BICC1: variants seen among roughly 807,000 people sequenced by gnomAD.
BICC1 encodes the protein BicC family RNA binding protein 1.
Under a neutral mutation model 111.0 loss-of-function variants are expected in BICC1, and 43 were observed. The ratio of observed to expected loss-of-function variants is 0.39; its 90% CI spans 0.30 to 0.50. The LOEUF is 0.50. BICC1 is among the 20% of genes least tolerant of loss of function. The pLI, the probability that BICC1 is intolerant of heterozygous loss-of-function variation, is 0.88. For missense variants in BICC1, 1,091 were observed against 1,203.2 expected, an observed-to-expected ratio of 0.91 and a Z score of 1.38; for synonymous variants, 467 against 434.4, an observed-to-expected ratio of 1.07 and a Z score of -0.93.
At position 58,799,791 on chromosome 10, in the gene BICC1, C is replaced by G. The variant is rs147224571; in HGVS notation, c.1726-403C>G. ...TTTGAAGTCAGGTAGTATGATGCCT[C>G]TAGCTTTATTCTTTTTGCTTAAGAT... On this transcript the variant is annotated intron_variant, in intron 12 of 20. Coordinates refer to ENST00000373886, the MANE Select transcript of BICC1 (RefSeq NM_001080512.3). Among the ~76,000 whole-genome samples, 12 of 152,152 alleles carry G rather than the reference C, an allele frequency of 7.9e-5. No individual in the cohort carries two copies. In the East Asian group the frequency reaches 2.3e-3, roughly 29 times the overall value.
At chr10:58,692,494 A>C (rs1338734508) in intron 2 of BICC1, among the ~76,000 whole-genome samples, 1 of 152,226 alleles carries the variant, frequency 6.6e-6, no homozygotes, top group Non-Finnish European at 1.5e-5. Context: ...TTTTGTCAAA[A>C]TATTTAGTCT....
chr10:58,603,037 T>G (rs929319713), intron 1 of BICC1, among the ~76,000 whole-genome samples: 1 of 152,154 alleles, frequency 6.6e-6, no homozygotes, highest in Admixed American at 6.5e-5. Context: ...CAAAAGGCAT[T>G]TAATAGATCA....
intron 3 of BICC1, among the ~76,000 whole-genome samples, chr10:58,760,293 T>G (rs895099745): frequency 2.0e-5 from 3 of 152,158 alleles, no homozygotes; most frequent in South Asian, 2.1e-4. Flanking sequence ...AATGACGTTT[T>G]CCACTATTTG....
intron 3 of BICC1, among the ~76,000 whole-genome samples, chr10:58,744,200 T>G (rs1452002116): frequency 6.6e-6 from 1 of 152,194 alleles, no homozygotes; most frequent in African/African-American, 2.4e-5. Context: ...GAAACAAGTA[T>G]TATTTCAATT....
intron 1 of BICC1, among the ~76,000 whole-genome samples, chr10:58,538,720 A>C (rs145452088): frequency 2.7e-4 from 41 of 151,930 alleles, no homozygotes; most frequent in African/African-American, 9.6e-4. Context: ...ACATACACGG[A>C]ACTCAAATCA....
chr10:58,676,948 A>G (rs1270075970), intron 2 of BICC1, among the ~76,000 whole-genome samples: 2 of 152,230 alleles, frequency 1.3e-5, no homozygotes, highest in African/African-American at 4.8e-5. Flanking sequence ...GCAGGCCTGC[A>G]GAAGAGGGGC....
At chr10:58,579,964 G>T (rs1844231239) in intron 1 of BICC1, among the ~76,000 whole-genome samples, 2 of 114,670 alleles carry the variant, frequency 1.7e-5, no homozygotes, top group Admixed American at 2.3e-4. Flanking sequence ...ATTACATTTT[G>T]CCCTAAATTT....
chr10:58,735,444 G>A (rs1014776252), intron 3 of BICC1, among the ~76,000 whole-genome samples: 3 of 152,114 alleles, frequency 2.0e-5, no homozygotes, highest in African/African-American at 7.2e-5. Context: ...CCTTATATAT[G>A]CATTTATAAC....
chr10:58,776,216 T>C (rs1490664062), intron 3 of BICC1, among the ~76,000 whole-genome samples: 1 of 152,226 alleles, frequency 6.6e-6, no homozygotes, highest in Non-Finnish European at 1.5e-5. Context: ...GGGACTTTCT[T>C]AGTCTAATGT....
chr10:58,641,952 CAT>C (rs1318946215), intron 2 of BICC1, among the ~76,000 whole-genome samples: 1 of 152,138 alleles, frequency 6.6e-6, no homozygotes, highest in Non-Finnish European at 1.5e-5. Context: ...TAAATGGCCA[CAT>C]GTTTTCAGAG....
intron 3 of BICC1, among the ~76,000 whole-genome samples, chr10:58,745,579 T>C (rs1841806468): frequency 6.8e-6 from 1 of 146,804 alleles, no homozygotes. Flanking sequence ...TCCTTGCCTT[T>C]CCAGCTCTAA....
intron 2 of BICC1, among the ~76,000 whole-genome samples, chr10:58,628,777 A>T (rs1201763297): frequency 1.3e-5 from 2 of 152,206 alleles, no homozygotes; most frequent in Non-Finnish European, 2.9e-5. Context: ...GGTCACTGAC[A>T]TGAAGAATCG....
Position 58,787,042 on chromosome 10 carries a change from A to G in BICC1, c.507A>G (p.Pro169=), listed in dbSNP as rs150206603. ...AAACCGGATGCCATATCCACTTTCCAGATTCCAACAGGAATAACCAAGCAG... is the reference window on the plus strand; with the variant it reads ...AAACCGGATGCCATATCCACTTTCCGGATTCCAACAGGAATAACCAAGCAG... ...MEETGCHIHF[P]DSNRNNQAEK... The change falls in exon 5 of 21, where the codon CCA becomes CCG. Residue 169 remains proline, a synonymous_variant. Transcript: ENST00000373886. 10 of 1,599,676 alleles carry G rather than the reference A, an allele frequency of 6.3e-6. No individual in the cohort carries two copies. Among genetic ancestry groups the G allele is most frequent in the African/African-American group, 2.7e-5 (2 of 73,702 alleles).
chr10:58,622,977 G>T (rs1198429255), intron 2 of BICC1, among the ~76,000 whole-genome samples: 1 of 152,130 alleles, frequency 6.6e-6, no homozygotes, highest in Non-Finnish European at 1.5e-5. Flanking sequence ...TTACTTTGAG[G>T]TGTGCATGAC....
chr10:58,702,284 G>T (rs1361876968), intron 3 of BICC1, 141 bp downstream of exon 3: 1 of 551,548 alleles, frequency 1.8e-6, no homozygotes, highest in African/African-American at 2.0e-5. Context: ...CTTTCAGGAG[G>T]ATTTTCATAA....
rs113684994 is a variant in BICC1, at chr10:58,775,403, A to C, written c.308-9598A>C. Among the ~76,000 whole-genome samples the C allele has an allele frequency of 3.0e-3, 452 of 152,102 alleles. 2 individuals are homozygous for C. The highest frequency in any genetic ancestry group is 9.6e-3 in the African/African-American group (396 of 41,464). On this transcript the variant is annotated intron_variant, in intron 3 of 20. Coordinates refer to ENST00000373886, the MANE Select transcript of BICC1 (RefSeq NM_001080512.3). ...AAAAACAAAAAACAAAAAACAAAAA[A>C]AAACAAACAAAAAAAAACATTTAAG...
At chr10:58,726,023 TA>T (rs1841092579) in intron 3 of BICC1, among the ~76,000 whole-genome samples, 1 of 152,214 alleles carries the variant, frequency 6.6e-6, no homozygotes, top group East Asian at 1.9e-4. Flanking sequence ...AGCTAGCTGT[TA>T]AAAAATTTCT....
At chr10:58,539,548 T>G (rs1842908128) in intron 1 of BICC1, among the ~76,000 whole-genome samples, 1 of 151,730 alleles carries the variant, frequency 6.6e-6, no homozygotes, top group Admixed American at 6.6e-5. Context: ...AAAAAAAATT[T>G]TTGAAGTACA....
At chr10:58,664,081 T>C (rs1048965826) in intron 2 of BICC1, among the ~76,000 whole-genome samples, 1 of 152,230 alleles carries the variant, frequency 6.6e-6, no homozygotes, top group Non-Finnish European at 1.5e-5. Context: ...TATGAGTGCC[T>C]TGGAGTGTAA....
Sources: allele counts gnomAD v4.1 joint callset (sites outside exome capture counted in the v4.1 genomes callset), GRCh38; gene constraint gnomAD v4.1.1; transcripts MANE v1.5; gene names NCBI Gene and HGNC (gene_info 2026-07-23, HGNC 2026-07-21).